WAC: variants seen among roughly 807,000 people sequenced by gnomAD.
WAC encodes the protein WW domain containing adaptor with coiled-coil, also known as WW domain-containing adapter protein with coiled-coil.
In WAC, 11 loss-of-function variants were observed where a neutral mutation model predicts 79.6. The ratio of observed to expected loss-of-function variants is 0.14; its 90% CI spans 0.09 to 0.23. The LOEUF is 0.23. Ranked by LOEUF, WAC falls within the 10% of genes least tolerant of loss-of-function variation. The pLI, the probability that WAC is intolerant of heterozygous loss-of-function variation, is 1.00. For synonymous variants in WAC, 304 were observed against 276.9 expected (o/e 1.10, Z -0.97); for missense variants, 728 against 773.5 (o/e 0.94, Z 0.70).
At chr10:28,565,709 C>T (rs1838564099) in intron 3 of WAC, among the ~76,000 whole-genome samples, 1 of 152,242 alleles carries the variant, frequency 6.6e-6, no homozygotes, top group Non-Finnish European at 1.5e-5. Flanking sequence ...TTGCTAGATG[C>T]TAATTTTTAA....
chr10:28,559,818 G>C (rs1838205083), intron 3 of WAC, among the ~76,000 whole-genome samples: 1 of 152,118 alleles, frequency 6.6e-6, no homozygotes, highest in Admixed American at 6.5e-5. Flanking sequence ...ACATGACTTC[G>C]TGTCACATTT....
chr10:28,534,045 A>T lies in WAC; in HGVS notation c.78+11A>T, dbSNP rs780262958. ...TCGCAGCCTTACCAGGTACCAGCCG[A>T]GGCCGGGGTGGAGGGATTGGAAGGG... On this transcript the variant is annotated intron_variant, in intron 2 of 13. Transcript: ENST00000354911. The T allele has an allele frequency of 6.3e-6, 10 of 1,576,906 alleles. No individual in the cohort carries two copies. In the Admixed American group the frequency reaches 1.6e-4, roughly 26 times the overall value.
intron 10 of WAC, among the ~76,000 whole-genome samples, chr10:28,614,128 CG>C (rs1369906816): frequency 3.2e-4 from 49 of 151,010 alleles, no homozygotes; most frequent in African/African-American, 1.2e-3. Context: ...TTTTTTGAGA[CG>C]GAGTCTCGTT....
chr10:28,610,369 C>T (rs886533273), intron 8 of WAC, among the ~76,000 whole-genome samples: 3 of 152,138 alleles, frequency 2.0e-5, no homozygotes, highest in African/African-American at 7.2e-5. Flanking sequence ...TGAACACTCA[C>T]ATATGAATAG....
intron 3 of WAC, among the ~76,000 whole-genome samples, chr10:28,579,995 C>A (rs1051554030): frequency 1.3e-5 from 2 of 152,102 alleles, no homozygotes; most frequent in African/African-American, 4.8e-5. Context: ...CTTAGTCTTT[C>A]AGAAAAATAT....
chr10:28,580,087 C>G (rs1398607184), intron 3 of WAC, among the ~76,000 whole-genome samples: 1 of 152,166 alleles, frequency 6.6e-6, no homozygotes, highest in Non-Finnish European at 1.5e-5. Flanking sequence ...GGAATCTGGT[C>G]CCTATCCAAA....
chr10:28,542,515 G>A (rs779672179), intron 3 of WAC, among the ~76,000 whole-genome samples: 58 of 152,182 alleles, frequency 3.8e-4, no homozygotes, highest in Non-Finnish European at 7.5e-4. Context: ...AATGGTTAAA[G>A]AATAACACCG....
intron 3 of WAC, among the ~76,000 whole-genome samples, chr10:28,547,573 C>T (rs1027940148): frequency 2.0e-5 from 3 of 150,380 alleles, no homozygotes; most frequent in African/African-American, 7.3e-5. Context: ...TTTTGTGAAT[C>T]GTAATCTAAG....
chr10:28,558,690 A>C (rs762006496), intron 3 of WAC, among the ~76,000 whole-genome samples: 33 of 152,338 alleles, frequency 2.2e-4, no homozygotes, highest in Non-Finnish European at 3.5e-4. Context: ...TAATGAAAGC[A>C]AGTAAAATAA....
intron 3 of WAC, among the ~76,000 whole-genome samples, chr10:28,552,821 A>C (rs1188881078): frequency 8.8e-6 from 1 of 113,366 alleles, no homozygotes; most frequent in Non-Finnish European, 1.8e-5. Flanking sequence ...TAGTGTTTTG[A>C]CAGTGAGCAA....
intron 3 of WAC, among the ~76,000 whole-genome samples, chr10:28,564,890 G>A (rs1838511597): frequency 6.6e-6 from 1 of 152,130 alleles, no homozygotes; most frequent in Admixed American, 6.5e-5. Flanking sequence ...TGCAGGGTTG[G>A]TTGTTGTTTT....
intron 7 of WAC, among the ~76,000 whole-genome samples, chr10:28,601,989 T>C (rs1327248405): frequency 6.6e-6 from 1 of 152,206 alleles, no homozygotes; most frequent in East Asian, 1.9e-4. Context: ...AATGTGGATG[T>C]ACTTAAAGAC....
intron 3 of WAC, 120 bp downstream of exon 3, chr10:28,535,877 T>C: frequency 1.1e-6 from 1 of 876,122 alleles, no homozygotes; most frequent in Non-Finnish European, 1.7e-6. Flanking sequence ...TAAAATATTT[T>C]AATCCTATCA....
intron 1 of WAC, 111 bp downstream of exon 1, chr10:28,533,731 C>T (rs1433726901): frequency 9.3e-5 from 123 of 1,322,938 alleles, no homozygotes; most frequent in Non-Finnish European, 1.2e-4. Flanking sequence ...TAACCCTGAT[C>T]CGGATCGGGT....
intron 3 of WAC, among the ~76,000 whole-genome samples, chr10:28,546,825 G>C (rs1049435007): frequency 6.7e-6 from 1 of 148,842 alleles, no homozygotes; most frequent in Non-Finnish European, 1.5e-5. Context: ...GAGTTATCTC[G>C]TTTTTTATTC....
chr10:28,606,240 C>T (rs529245776), intron 7 of WAC, among the ~76,000 whole-genome samples: 167 of 152,226 alleles, frequency 1.1e-3, no homozygotes, highest in African/African-American at 3.6e-3. Flanking sequence ...TTAGTAGAGA[C>T]GGGGTTTTGC....
intron 7 of WAC, among the ~76,000 whole-genome samples, chr10:28,603,961 G>GGATATATTTA (rs1840783673): frequency 4.8e-5 from 1 of 20,906 alleles, no homozygotes; most frequent in Non-Finnish European, 7.1e-5. Context: ...ATGTATGTAT[G>GGATATATTTA]TATATATATA....
chr10:28,590,003 C>T, intron 5 of WAC, 152 bp downstream of exon 5: 1 of 597,598 alleles, frequency 1.7e-6, no homozygotes, highest in Admixed American at 3.3e-5. Context: ...TTCGTGTTTT[C>T]CATAGTTTGT....
At chr10:28,605,219 T>A (rs1336478490) in intron 7 of WAC, among the ~76,000 whole-genome samples, 1 of 152,260 alleles carries the variant, frequency 6.6e-6, no homozygotes, top group Non-Finnish European at 1.5e-5. Context: ...TTTATGTTTT[T>A]CTTTTGTTTG....
Sources: allele counts gnomAD v4.1 joint callset (sites outside exome capture counted in the v4.1 genomes callset), GRCh38; gene constraint gnomAD v4.1.1; transcripts MANE v1.5; gene names NCBI Gene and HGNC (gene_info 2026-07-23, HGNC 2026-07-21).